The following MED28 variants were observed in gnomAD, a reference collection of about 807,000 sequenced individuals.
MED28 encodes the protein mediator complex subunit 28.
Under a neutral mutation model 21.3 loss-of-function variants are expected in MED28, and 26 were observed. The observed-to-expected ratio is 1.22, with a 90% CI of 0.89 to 1.69. The LOEUF (loss-of-function observed/expected upper bound fraction) is 1.69, where lower values mean the gene tolerates loss of function less well. MED28 is among the 40% of genes most tolerant of loss of function. The pLI is 0.00. For missense variants in MED28, 257 were observed against 215.4 expected (o/e 1.19, Z -1.21); for synonymous variants, 110 against 87.6 (o/e 1.26, Z -1.43).
In MED28 at chr4:17,626,830, C is replaced by CCGGA. The variant is rs1457158489; in HGVS notation, c.*3034_*3037dup. The stretch of plus-strand genomic sequence containing the variant: ...CAGCAGCTGGCAGCACTGTCTCCTG[C>CCGGA]CGGACATTCCTGCCACCCGACATCA... On this transcript the variant is annotated 3_prime_UTR_variant, in exon 4 of 4. Transcript: ENST00000237380. The CCGGA allele has an allele frequency of 6.6e-6, 1 of 152,326 alleles. No homozygotes were observed. The highest frequency in any genetic ancestry group is 1.5e-5 in the Non-Finnish European group (1 of 68,128). The allele number at this position is 152,326 out of a possible 1,614,324, so 9.4% of individuals were successfully genotyped here. A position where few individuals can be genotyped will look rare whatever the true frequency, so the allele number is the denominator to read the frequency against.
At chr4:17,621,986 A>C (rs182726434) in intron 3 of MED28, among the ~76,000 whole-genome samples, 1 of 152,358 alleles carries the variant, frequency 6.6e-6, no homozygotes, top group East Asian at 1.9e-4. Flanking sequence ...ATGTGAAAAA[A>C]GGACAAAAAG....
intron 1 of MED28, among the ~76,000 whole-genome samples, chr4:17,618,063 G>A (rs1714506391): frequency 7.4e-6 from 1 of 135,942 alleles, no homozygotes; most frequent in African/African-American, 2.7e-5. Flanking sequence ...CCAGGCCAGA[G>A]TGCAATGGCA....
chr4:17,615,811 A>C (rs1193749143), intron 1 of MED28, among the ~76,000 whole-genome samples: 1 of 152,218 alleles, frequency 6.6e-6, no homozygotes, highest in African/African-American at 2.4e-5. Flanking sequence ...ACTCCGTCTC[A>C]AAAAAGTAAA....
At chr4:17,618,060 A>G (rs1028900732) in intron 1 of MED28, among the ~76,000 whole-genome samples, 2 of 127,898 alleles carry the variant, frequency 1.6e-5, no homozygotes, top group Non-Finnish European at 3.1e-5. Flanking sequence ...CACCCAGGCC[A>G]GAGTGCAATG....
intron 1 of MED28, among the ~76,000 whole-genome samples, chr4:17,617,301 G>C (rs1560156551): frequency 6.6e-6 from 1 of 152,190 alleles, no homozygotes; most frequent in Non-Finnish European, 1.5e-5. Flanking sequence ...ACAGCCTCCA[G>C]TGGCACATAG....
intron 2 of MED28, among the ~76,000 whole-genome samples, chr4:17,620,306 C>T (rs192442993): frequency 1.3e-5 from 2 of 151,504 alleles, no homozygotes; most frequent in African/African-American, 4.8e-5. Context: ...CAAGTTCTGT[C>T]CCTAAAGGTA....
At position 17,624,612 on chromosome 4, in the gene MED28, T is replaced by C. The variant is rs1195885425; in HGVS notation, c.*814T>C. On this transcript the variant is annotated 3_prime_UTR_variant, in exon 4 of 4. Transcript: ENST00000237380. ...TGAGCTGTGAGGGGCTAAATCTTGC[T>C]CTGATTGTCTCTTTCTGTTTTGAGT... 3 of 152,226 alleles carry C rather than the reference T, an allele frequency of 2.0e-5. No homozygotes were observed. The highest frequency in any genetic ancestry group is 2.9e-5 in the Non-Finnish European group (2 of 68,054). The allele number at this position is 152,226 out of a possible 1,614,324, so 9.4% of individuals were successfully genotyped here.
In MED28 at chr4:17,628,294, G is replaced by GTGTATA. The variant is rs756344234; in HGVS notation, c.*4499_*4504dup. 6.7e-6 allele frequency: 1 copy of GTGTATA among 150,136 alleles called. No homozygotes were observed. Among genetic ancestry groups the GTGTATA allele is most frequent in the East Asian group, 1.9e-4 (1 of 5,162 alleles). 9.3% of individuals were successfully genotyped at this position (150,136 alleles called of 1,614,324 possible). A position where few individuals can be genotyped will look rare whatever the true frequency, so the allele number is the denominator to read the frequency against. ...TGTGTGTGTGTGTGTGTGTGTGTAT[G>GTGTATA]TGTATATGCGTATATATGTGTATGT... On this transcript the variant is annotated 3_prime_UTR_variant, in exon 4 of 4. Coordinates refer to ENST00000237380, the MANE Select transcript of MED28 (RefSeq NM_025205.5).
intron 2 of MED28, among the ~76,000 whole-genome samples, chr4:17,621,055 A>G (rs1714614754): frequency 7.8e-6 from 1 of 127,536 alleles, no homozygotes; most frequent in Non-Finnish European, 1.6e-5. Flanking sequence ...TCACTCTGTC[A>G]CCAGTCTGGA....
At chr4:17,620,212 A>G (rs1345367116) in intron 2 of MED28, 4 of 491,974 alleles carry the variant, frequency 8.1e-6, no homozygotes, top group Non-Finnish European at 7.3e-6. Context: ...GAAGACCAAT[A>G]GTGTGTACTG....
chr4:17,626,036 T>A lies in MED28; in HGVS notation c.*2238T>A, dbSNP rs1325089846. ...GGATAATAAATCTGTAAAATAGGGA[T>A]AAGACTAGGACCTATTCCCCAGGAT... On this transcript the variant is annotated 3_prime_UTR_variant, in exon 4 of 4. Coordinates refer to ENST00000237380, the MANE Select transcript of MED28 (RefSeq NM_025205.5). 1 of 161,192 alleles carries A rather than the reference T, an allele frequency of 6.2e-6. No individual in the cohort carries two copies. Among genetic ancestry groups the A allele is most frequent in the African/African-American group, 2.4e-5 (1 of 41,584 alleles). The allele number at this position is 161,192 out of a possible 1,614,324, so 10.0% of individuals were successfully genotyped here. A position where few individuals can be genotyped will look rare whatever the true frequency, so the allele number is the denominator to read the frequency against.
intron 2 of MED28, among the ~76,000 whole-genome samples, chr4:17,621,067 T>C (rs1369633272): frequency 7.1e-6 from 1 of 141,760 alleles, no homozygotes; most frequent in Non-Finnish European, 1.5e-5. Flanking sequence ...CAGTCTGGAG[T>C]GCAGTGGCGC....
At chr4:17,616,504 G>C (rs1714455785) in intron 1 of MED28, among the ~76,000 whole-genome samples, 1 of 152,210 alleles carries the variant, frequency 6.6e-6, no homozygotes. Context: ...CTTGAGATAA[G>C]ATCAAGATGT....
rs550558742 is a variant in MED28 at position 17,619,937 on chromosome 4, A to G, written c.196A>G (p.Asn66Asp). 6.2e-7 allele frequency: 1 copy of G among 1,614,178 alleles called. No homozygotes were observed. The highest frequency in any genetic ancestry group is 1.1e-5 in the South Asian group (1 of 91,088). ...ATCTCTGGTGAGTCAGGACTATGTC[A>G]ATGGCACCGATCAGGAAGAAATTCG... is the stretch of plus-strand genomic sequence containing the variant. ...FASLVSQDYV[N>D]GTDQEEIRTG... The change falls in exon 2 of 4, where the codon AAT (asparagine) becomes GAT (aspartate). Residue 66 changes from asparagine to aspartate, a missense_variant. Transcript: ENST00000237380.
intron 1 of MED28, among the ~76,000 whole-genome samples, chr4:17,618,054 C>T (rs1560156817): frequency 6.7e-6 from 1 of 148,540 alleles, no homozygotes; most frequent in Non-Finnish European, 1.5e-5. Flanking sequence ...CTCTGTCACC[C>T]AGGCCAGAGT....
chr4:17,633,732 T>C lies in MED28; in HGVS notation c.*9934T>C, dbSNP rs893898305. On this transcript the variant is annotated 3_prime_UTR_variant, in exon 4 of 4. Coordinates refer to ENST00000237380, the MANE Select transcript of MED28 (RefSeq NM_025205.5). ...TCTGTAGACTGGTTGGGTTTGTAGG[T>C]CCGGCCACAGCTGGGGCTTGGGTCC... The C allele has an allele frequency of 3.9e-6, 6 of 1,549,922 alleles. No homozygotes were observed. The highest frequency in any genetic ancestry group is 1.4e-5 in the African/African-American group (1 of 72,892).
chr4:17,630,108 T>G lies in MED28; in HGVS notation c.*6310T>G, dbSNP rs1051547477. Reference sequence around the variant, plus strand: ...TATGTACGATCTCAACTAGTAAAATTTTCTCCTTGCCCAGGGATCATGCTG... The same window carrying G: ...TATGTACGATCTCAACTAGTAAAATGTTCTCCTTGCCCAGGGATCATGCTG... On this transcript the variant is annotated 3_prime_UTR_variant, in exon 4 of 4. Transcript: ENST00000237380. 1 of 152,142 alleles carries G rather than the reference T, an allele frequency of 6.6e-6. No homozygotes were observed. The highest frequency in any genetic ancestry group is 6.5e-5 in the Admixed American group (1 of 15,268). 9.4% of individuals were successfully genotyped at this position (152,142 alleles called of 1,614,324 possible). A position where few individuals can be genotyped will look rare whatever the true frequency, so the allele number is the denominator to read the frequency against.
In MED28 at chr4:17,633,699, T is replaced by G. The variant is rs547445434; in HGVS notation, c.*9901T>G. On this transcript the variant is annotated 3_prime_UTR_variant, in exon 4 of 4. Coordinates refer to ENST00000237380, the MANE Select transcript of MED28 (RefSeq NM_025205.5). ...CAACATCCCCCAAACCTTGTGGCAG[T>G]TTTTGCATCTGTAGACTGGTTGGGT... 1.3e-6 allele frequency: 2 copies of G among 1,532,160 alleles called. No homozygotes were observed. Among genetic ancestry groups the G allele is most frequent in the Non-Finnish European group, 1.8e-6 (2 of 1,137,024 alleles). The allele number at this position is 1,532,160 out of a possible 1,614,324, so 94.9% of individuals were successfully genotyped here.
At position 17,623,899 on chromosome 4, in the gene MED28, A is replaced by T. The variant is rs1714705680; in HGVS notation, c.*101A>T. On this transcript the variant is annotated 3_prime_UTR_variant, in exon 4 of 4. Transcript: ENST00000237380. ...ACATTTTGGAAGAACTCTTTGCCAG[A>T]TAATGAGTTCATTTTAGTTTTATGC... The T allele has an allele frequency of 7.6e-7, 1 of 1,323,072 alleles. No homozygotes were observed. Among genetic ancestry groups the T allele is most frequent in the East Asian group, 2.5e-5 (1 of 39,334 alleles). The allele number at this position is 1,323,072 out of a possible 1,614,324, so 82.0% of individuals were successfully genotyped here.
Sources: allele counts gnomAD v4.1 joint callset (sites outside exome capture counted in the v4.1 genomes callset), GRCh38; gene constraint gnomAD v4.1.1; transcripts MANE v1.5; gene names NCBI Gene and HGNC (gene_info 2026-07-23, HGNC 2026-07-21).